DENND6A: variants seen among roughly 807,000 people sequenced by gnomAD.
DENND6A encodes the protein protein DENND6A.
In DENND6A, 43 loss-of-function variants were observed where a neutral mutation model predicts 95.5. That is an observed-to-expected ratio of 0.45 (90% confidence interval 0.35 to 0.58). DENND6A has a LOEUF of 0.58. Ranked by LOEUF, DENND6A falls within the 20% of genes least tolerant of loss-of-function variation. The pLI is 0.00. For missense variants in DENND6A, 574 were observed against 736.0 expected (o/e 0.78, Z 2.55); for synonymous variants, 257 against 260.4 (o/e 0.99, Z 0.13).
intron 1 of DENND6A, 108 bp from the exon 2 acceptor site, chr3:57,672,546 C>A: frequency 8.7e-7 from 1 of 1,150,790 alleles, no homozygotes; most frequent in Non-Finnish European, 1.2e-6. Context: ...ACTTTGGGAG[C>A]CCAAGGCAGG....
At chr3:57,670,723 C>T (rs774118196) in intron 3 of DENND6A, among the ~76,000 whole-genome samples, 9 of 152,106 alleles carry the variant, frequency 5.9e-5, no homozygotes, top group East Asian at 5.8e-4. Context: ...TATTCTGATC[C>T]CCTTCATGCT....
At chr3:57,658,490 C>G (rs752916045) in intron 8 of DENND6A, among the ~76,000 whole-genome samples, 1 of 152,116 alleles carries the variant, frequency 6.6e-6, no homozygotes, top group Non-Finnish European at 1.5e-5. Context: ...ATTGTGCCAC[C>G]GTACTCCAGC....
chr3:57,686,568 T>C (rs1233936088), intron 1 of DENND6A, among the ~76,000 whole-genome samples: 2 of 152,260 alleles, frequency 1.3e-5, no homozygotes, highest in Admixed American at 1.3e-4. Context: ...GTTCACTTTG[T>C]GTCTCTGTGT....
In DENND6A at chr3:57,692,778, TC is replaced by T. The variant is rs1160110672; in HGVS notation, c.237+3del. The T allele has an allele frequency of 1.3e-6, 2 of 1,506,742 alleles. No homozygotes were observed. Among genetic ancestry groups the T allele is most frequent in the South Asian group, 2.5e-5 (2 of 78,548 alleles). The allele number at this position is 1,506,742 out of a possible 1,614,324, so 93.3% of individuals were successfully genotyped here. A position where few individuals can be genotyped will look rare whatever the true frequency, so the allele number is the denominator to read the frequency against. On this transcript the variant is annotated splice_donor_region_variant and intron_variant, in intron 1 of 19. Coordinates refer to ENST00000311128, the MANE Select transcript of DENND6A (RefSeq NM_152678.3). Reference sequence around the variant, plus strand: ...CGCCGAGAAAGGGCGGGGCCGGGCCTCACCTCCACGGCCTGGCCCAGCTCCA... The same window carrying T: ...CGCCGAGAAAGGGCGGGGCCGGGCCTACCTCCACGGCCTGGCCCAGCTCCA...
chr3:57,691,669 C>CA (rs71091304), intron 1 of DENND6A, among the ~76,000 whole-genome samples: 1,182 of 93,416 alleles, frequency 0.013, 3 homozygotes, highest in African/African-American at 0.026. Context: ...TCACCAATAC[C>CA]AAAAAAAAAA....
intron 15 of DENND6A, 33 bp from the exon 16 acceptor site, chr3:57,631,011 G>A (rs370286529): frequency 1.9e-6 from 3 of 1,599,042 alleles, no homozygotes; most frequent in Admixed American, 3.5e-5. Context: ...TAAAAGGAGT[G>A]TCTTCAAAAA....
chr3:57,655,601 T>C (rs1167166346), intron 9 of DENND6A, among the ~76,000 whole-genome samples: 1 of 152,190 alleles, frequency 6.6e-6, no homozygotes, highest in African/African-American at 2.4e-5. Flanking sequence ...CAAAATTTAG[T>C]TGCATGCACA....
intron 4 of DENND6A, among the ~76,000 whole-genome samples, chr3:57,665,313 CAA>C (rs2071509812): frequency 6.6e-6 from 1 of 152,086 alleles, no homozygotes; most frequent in Non-Finnish European, 1.5e-5. Flanking sequence ...TGGAATAAAA[CAA>C]GAGGTGGGAT....
intron 9 of DENND6A, among the ~76,000 whole-genome samples, chr3:57,652,604 T>A (rs899579370): frequency 3.3e-5 from 5 of 152,182 alleles, no homozygotes; most frequent in Non-Finnish European, 7.4e-5. Context: ...ACATATATAG[T>A]TTCAAATATC....
chr3:57,664,074 C>T (rs1459125471), intron 4 of DENND6A, among the ~76,000 whole-genome samples: 1 of 152,076 alleles, frequency 6.6e-6, no homozygotes, highest in East Asian at 1.9e-4. Flanking sequence ...ATTCTTTATT[C>T]GTATCTATAC....
intron 1 of DENND6A, among the ~76,000 whole-genome samples, chr3:57,677,816 T>G (rs2071738881): frequency 6.6e-6 from 1 of 152,198 alleles, no homozygotes; most frequent in African/African-American, 2.4e-5. Flanking sequence ...TCATTAGATC[T>G]CAACATTCTT....
chr3:57,669,328 T>C (rs1026900408), intron 3 of DENND6A, among the ~76,000 whole-genome samples: 2 of 152,154 alleles, frequency 1.3e-5, no homozygotes, highest in East Asian at 1.9e-4. Context: ...TCAGGTCTTT[T>C]GTAGATTTTC....
In DENND6A at chr3:57,660,487, C is replaced by G. The variant is rs988295813; in HGVS notation, c.699+273G>C. Among the ~76,000 whole-genome samples, 70 of 152,204 alleles carry G rather than the reference C, an allele frequency of 4.6e-4. No homozygotes were observed. In the Middle Eastern group the frequency reaches 0.014, roughly 30 times the overall value. ...ACAGGTGTGAGCCACCACGCCTGTCCAAAAGTTCTTTAAAAAGATCACAAT... is the reference window on the plus strand; with the variant it reads ...ACAGGTGTGAGCCACCACGCCTGTCGAAAAGTTCTTTAAAAAGATCACAAT... On this transcript the variant is annotated intron_variant, in intron 7 of 19. Coordinates refer to ENST00000311128, the MANE Select transcript of DENND6A (RefSeq NM_152678.3).
At chr3:57,647,953 C>T (rs1457271402) in intron 9 of DENND6A, among the ~76,000 whole-genome samples, 1 of 151,784 alleles carries the variant, frequency 6.6e-6, no homozygotes, top group Non-Finnish European at 1.5e-5. Flanking sequence ...ATGTCAGGGC[C>T]CAGTGGGGAT....
intron 3 of DENND6A, among the ~76,000 whole-genome samples, chr3:57,670,516 T>C (rs1428309503): frequency 1.3e-5 from 2 of 152,016 alleles, no homozygotes; most frequent in African/African-American, 4.8e-5. Context: ...TGATAAAGAG[T>C]TTTCTCTGGT....
At chr3:57,671,796 C>A (rs2153416395) in intron 3 of DENND6A, among the ~76,000 whole-genome samples, 1 of 152,228 alleles carries the variant, frequency 6.6e-6, no homozygotes, top group Admixed American at 6.5e-5. Context: ...AAGCACTACG[C>A]CAAGGCTTTA....
At chr3:57,638,124 A>T (rs1375599876) in intron 12 of DENND6A, among the ~76,000 whole-genome samples, 1 of 151,792 alleles carries the variant, frequency 6.6e-6, no homozygotes, top group East Asian at 1.9e-4. Flanking sequence ...ACAGACCAAG[A>T]CTCCATCTCA....
At position 57,658,598 on chromosome 3, in the gene DENND6A, C is replaced by T. The variant is rs147011430; in HGVS notation, c.762+520G>A. Reference sequence around the variant, plus strand: ...ACTGTATGAAATACTCCCATTAATACTGGTTGATATGTAACAGAAATACTA... The same window carrying T: ...ACTGTATGAAATACTCCCATTAATATTGGTTGATATGTAACAGAAATACTA... On this transcript the variant is annotated intron_variant, in intron 8 of 19. Coordinates refer to ENST00000311128, the MANE Select transcript of DENND6A (RefSeq NM_152678.3). Among the ~76,000 whole-genome samples, 103 of 152,298 alleles carry T rather than the reference C, an allele frequency of 6.8e-4. 1 individual carries two copies. The highest frequency in any genetic ancestry group is 2.3e-3 in the African/African-American group (96 of 41,562).
chr3:57,626,021 A>C lies in DENND6A; in HGVS notation c.*2193T>G, dbSNP rs1159445784. 1 of 152,654 alleles carries C rather than the reference A, an allele frequency of 6.6e-6. No homozygotes were observed. The highest frequency in any genetic ancestry group is 1.5e-5 in the Non-Finnish European group (1 of 68,048). The allele number at this position is 152,654 out of a possible 1,614,324, so 9.5% of individuals were successfully genotyped here. A position where few individuals can be genotyped will look rare whatever the true frequency, so the allele number is the denominator to read the frequency against. On this transcript the variant is annotated 3_prime_UTR_variant, in exon 20 of 20. Transcript: ENST00000311128. ...GAAAAATAATAAGATGACCATTTAT[A>C]CCTAAATAAGGTTTCCCAGAAAGTT...
Sources: allele counts gnomAD v4.1 joint callset (sites outside exome capture counted in the v4.1 genomes callset), GRCh38; gene constraint gnomAD v4.1.1; transcripts MANE v1.5; gene names NCBI Gene and HGNC (gene_info 2026-07-23, HGNC 2026-07-21).